The following HELZ variants were observed in gnomAD, a reference collection of about 807,000 sequenced individuals.
HELZ encodes ATP-dependent RNA helicase with zinc finger domain.
HELZ carries 23 observed loss-of-function variants against 218.2 expected under a neutral mutation model. The ratio of observed to expected loss-of-function variants is 0.11; its 90% confidence interval spans 0.08 to 0.15. HELZ has a LOEUF of 0.15. Ranked by LOEUF, HELZ falls within the 10% of genes least tolerant of loss-of-function variation. The pLI is 1.00. For synonymous variants in HELZ, 814 were observed against 829.4 expected, an observed-to-expected ratio of 0.98 and a Z score of 0.32; for missense variants, 1,813 against 2,353.7, an observed-to-expected ratio of 0.77 and a Z score of 4.75.
intron 13 of HELZ, among the ~76,000 whole-genome samples, chr17:67,168,602 A>C (rs1023105296): frequency 3.9e-5 from 6 of 152,184 alleles, no homozygotes; most frequent in Non-Finnish European, 8.8e-5. Flanking sequence ...CAATAATGTT[A>C]ATGAATAACA....
intron 24 of HELZ, among the ~76,000 whole-genome samples, chr17:67,128,038 A>T (rs2037857540): frequency 1.3e-5 from 2 of 152,164 alleles, no homozygotes; most frequent in African/African-American, 4.8e-5. Flanking sequence ...ACTCTAGCAA[A>T]TAAGCCGGCT....
intron 32 of HELZ, among the ~76,000 whole-genome samples, chr17:67,080,794 A>G (rs2036165082): frequency 1.3e-5 from 2 of 152,192 alleles, no homozygotes; most frequent in Non-Finnish European, 2.9e-5. Flanking sequence ...GGGAATCTAC[A>G]TAGAGAAGAT....
intron 3 of HELZ, among the ~76,000 whole-genome samples, chr17:67,223,755 GA>G (rs112587369): frequency 1.4e-4 from 20 of 148,100 alleles, no homozygotes; most frequent in African/African-American, 5.0e-4. Flanking sequence ...CCCTCTCAAA[GA>G]AAAAAAAAAT....
intron 31 of HELZ, among the ~76,000 whole-genome samples, chr17:67,092,697 G>C (rs1421559163): frequency 6.6e-6 from 1 of 152,224 alleles, no homozygotes; most frequent in Non-Finnish European, 1.5e-5. Flanking sequence ...CAGGCGCAGT[G>C]GTTCACGCCT....
chr17:67,172,431 C>T (rs1338424526), intron 13 of HELZ, among the ~76,000 whole-genome samples: 1 of 152,162 alleles, frequency 6.6e-6, no homozygotes, highest in African/African-American at 2.4e-5. Flanking sequence ...GAACCTAACA[C>T]CTTCAACATT....
At chr17:67,140,082 T>C (rs1463523552) in intron 21 of HELZ, among the ~76,000 whole-genome samples, 1 of 152,142 alleles carries the variant, frequency 6.6e-6, no homozygotes, top group Non-Finnish European at 1.5e-5. Context: ...CTATGCTGGG[T>C]AGATTCAGCA....
intron 3 of HELZ, among the ~76,000 whole-genome samples, chr17:67,232,432 G>A (rs1299847512): frequency 6.6e-6 from 1 of 152,320 alleles, no homozygotes; most frequent in Middle Eastern, 3.4e-3. Context: ...GATTACAGGC[G>A]TGAGCCCCTG....
intron 12 of HELZ, among the ~76,000 whole-genome samples, chr17:67,185,519 G>A (rs531977769): frequency 6.6e-6 from 1 of 152,086 alleles, no homozygotes; most frequent in African/African-American, 2.4e-5. Context: ...TTATCAAAGA[G>A]CTAAAAATTA....
chr17:67,226,153 G>A (rs558732403), intron 3 of HELZ, among the ~76,000 whole-genome samples: 7 of 151,634 alleles, frequency 4.6e-5, no homozygotes, highest in South Asian at 2.1e-4. Flanking sequence ...CCAGCTACTC[G>A]GGAGGCTGAG....
At chr17:67,236,950 G>C (rs949565272) in intron 3 of HELZ, among the ~76,000 whole-genome samples, 1 of 152,116 alleles carries the variant, frequency 6.6e-6, no homozygotes, top group Non-Finnish European at 1.5e-5. Context: ...CCAAACCCCA[G>C]TTTTTCAAGG....
At position 67,188,800 on chromosome 17, in the gene HELZ, T is replaced by C. The variant is rs190101102; in HGVS notation, c.865-184A>G. 6.6e-6 allele frequency among the ~76,000 whole-genome samples: 1 copy of C among 152,208 alleles called. No homozygotes were observed. The highest frequency in any genetic ancestry group is 2.4e-5 in the African/African-American group (1 of 41,460). ...ATCAGTTGTTAAAATTATTTATTTA[T>C]GCTATATCGCTAGCCTCCCTTCTCT... On this transcript the variant is annotated intron_variant, in intron 11 of 32. Transcript: ENST00000358691. This position sits in a 1 kb window ranked among gnomAD's most constrained non-coding sequence, Gnocchi z 4.1.
chr17:67,088,559 C>T (rs1385276848), intron 31 of HELZ, among the ~76,000 whole-genome samples: 3 of 152,140 alleles, frequency 2.0e-5, no homozygotes, highest in Admixed American at 6.6e-5. Context: ...TGCCCTTGTG[C>T]GGAGAGGCAG....
At chr17:67,227,504 C>G (rs574198113) in intron 3 of HELZ, among the ~76,000 whole-genome samples, 6 of 152,140 alleles carry the variant, frequency 3.9e-5, no homozygotes, top group African/African-American at 1.4e-4. Context: ...TTTTTTAAAA[C>G]TACAAAGAAG....
chr17:67,180,259 G>C (rs2039570194), intron 12 of HELZ, among the ~76,000 whole-genome samples: 1 of 152,034 alleles, frequency 6.6e-6, no homozygotes, highest in African/African-American at 2.4e-5. Flanking sequence ...CAAGGCAGGA[G>C]GATCGCTTGA....
intron 32 of HELZ, among the ~76,000 whole-genome samples, chr17:67,082,895 C>T (rs1477714929): frequency 3.9e-5 from 5 of 128,198 alleles, no homozygotes; most frequent in Admixed American, 9.7e-5. Flanking sequence ...CTTGCTCTGT[C>T]GCCCAGGCTG....
At chr17:67,224,977 T>C (rs1370388423) in intron 3 of HELZ, 1 of 700,440 alleles carries the variant, frequency 1.4e-6, no homozygotes, top group Non-Finnish European at 2.7e-6. Flanking sequence ...TGCTGGCTAT[T>C]AAAAAGATGC....
chr17:67,191,672 G>A (rs766972998), intron 9 of HELZ, among the ~76,000 whole-genome samples: 2 of 150,650 alleles, frequency 1.3e-5, no homozygotes, highest in African/African-American at 4.9e-5. Context: ...GGCTGGTCTC[G>A]AACTCCTGAC....
chr17:67,154,698 A>G, intron 17 of HELZ, among the ~76,000 whole-genome samples: 1 of 152,176 alleles, frequency 6.6e-6, no homozygotes, highest in South Asian at 2.1e-4. Context: ...AATTGAGTTC[A>G]TTTTTCCATT....
intron 19 of HELZ, 76 bp from the exon 20 acceptor site, chr17:67,148,790 C>T (rs1397207719): frequency 7.2e-7 from 1 of 1,389,316 alleles, no homozygotes; most frequent in African/African-American, 1.4e-5. Flanking sequence ...ATAAAAAATC[C>T]ACTATGCTAA....
Sources: gnomAD v4.1 joint callset for allele counts (sites outside exome capture counted in the v4.1 genomes callset) on GRCh38, gnomAD v4.1.1 for gene constraint, Gnocchi (gnomAD v3.1) non-coding constraint, MANE v1.5 for transcripts, NCBI Gene and HGNC (gene_info 2026-07-23, HGNC 2026-07-21) for gene names.